GPAT4: variants seen among roughly 807,000 people sequenced by gnomAD.
The protein encoded by GPAT4 is glycerol-3-phosphate acyltransferase 4.
A neutral mutation model predicts 58.0 loss-of-function variants in GPAT4; 17 were observed. The ratio of observed to expected loss-of-function variants is 0.29; its 90% CI spans 0.20 to 0.44. The LOEUF is 0.44. Among genes scored for constraint, GPAT4 ranks in the 20% least tolerant of loss-of-function variants. The pLI is 1.00. For synonymous variants in GPAT4, 204 were observed against 210.1 expected, an observed-to-expected ratio of 0.97 and a Z score of 0.25; for missense variants, 377 against 574.5, an observed-to-expected ratio of 0.66 and a Z score of 3.51.
chr8:41,587,040 C>T (rs758346860), intron 1 of GPAT4, among the ~76,000 whole-genome samples: 6 of 152,222 alleles, frequency 3.9e-5, no homozygotes, highest in Admixed American at 1.3e-4. Flanking sequence ...TGAGGGCCCA[C>T]GTGGCTCATG....
intron 2 of GPAT4, among the ~76,000 whole-genome samples, chr8:41,603,950 G>C (rs1371132581): frequency 6.6e-6 from 1 of 150,442 alleles, no homozygotes; most frequent in African/African-American, 2.4e-5. Flanking sequence ...TTTTGGGGTG[G>C]CTTGTAATAT....
intron 3 of GPAT4, 41 bp downstream of exon 3, chr8:41,609,526 G>T: frequency 1.2e-6 from 2 of 1,609,964 alleles, no homozygotes; most frequent in Non-Finnish European, 1.7e-6. Flanking sequence ...AGGTCCATTT[G>T]AACAGTGTTC....
At position 41,621,991 on chromosome 8, in the gene GPAT4, C is replaced by T. The variant is rs1803766182; in HGVS notation, c.*990C>T. The stretch of plus-strand genomic sequence containing the variant: ...GGCTTCTCGTGAGGATTCCCGTTCT[C>T]TTCTGGGAGCATGGCCCTGGGGCTG... On this transcript the variant is annotated 3_prime_UTR_variant, in exon 13 of 13. Coordinates refer to ENST00000396987, the MANE Select transcript of GPAT4 (RefSeq NM_178819.4). The T allele has an allele frequency of 6.6e-6, 1 of 152,272 alleles. No individual in the cohort carries two copies. The highest frequency in any genetic ancestry group is 2.1e-4 in the South Asian group (1 of 4,836). The allele number at this position is 152,272 out of a possible 1,614,324, so 9.4% of individuals were successfully genotyped here.
rs770353727 is a variant in GPAT4, at chr8:41,599,344, G to A, written c.165+40G>A. On this transcript the variant is annotated intron_variant, in intron 2 of 12. Coordinates refer to ENST00000396987, the MANE Select transcript of GPAT4 (RefSeq NM_178819.4). The stretch of plus-strand genomic sequence containing the variant: ...TACAAAAGGTTGCTTCACAGAGGAG[G>A]GTAGAAGTGCATTTAGCAAAAAGTT... The A allele has an allele frequency of 6.3e-6, 10 of 1,599,616 alleles. No homozygotes were observed. The East Asian group carries it at 2.2e-4, about 36-fold the overall frequency.
Position 41,609,489 on chromosome 8 carries a change from A to G in GPAT4, c.235+4A>G. The G allele has an allele frequency of 1.9e-6, 3 of 1,614,126 alleles. No homozygotes were observed. Among genetic ancestry groups the G allele is most frequent in the Non-Finnish European group, 2.5e-6 (3 of 1,179,960 alleles). On this transcript the variant is annotated splice_donor_region_variant and intron_variant, in intron 3 of 12. Transcript: ENST00000396987. ...CTTTACAAGCCCTACACCAACGGTA[A>G]GATGGGGGTGTGATCCTTGTCCTGA...
chr8:41,594,464 T>C (rs1458180096), intron 1 of GPAT4, among the ~76,000 whole-genome samples: 1 of 152,094 alleles, frequency 6.6e-6, no homozygotes, highest in Non-Finnish European at 1.5e-5. Context: ...CTTGCATAAA[T>C]TCCTTTTTTT....
intron 2 of GPAT4, among the ~76,000 whole-genome samples, chr8:41,607,705 A>G (rs1343334284): frequency 6.6e-6 from 1 of 151,644 alleles, no homozygotes; most frequent in African/African-American, 2.4e-5. Context: ...ATTTTTTTGT[A>G]TTTTTTAGAT....
chr8:41,615,319 C>A (rs929803642), intron 10 of GPAT4, among the ~76,000 whole-genome samples: 1 of 152,198 alleles, frequency 6.6e-6, no homozygotes, highest in Admixed American at 6.5e-5. Context: ...AAATGGCAAG[C>A]CCTTCACTTA....
In GPAT4 at chr8:41,609,607, C is replaced by T. The variant is rs200193390; in HGVS notation, c.236-48C>T. 229 of 1,604,506 alleles carry T rather than the reference C, an allele frequency of 1.4e-4. 1 individual carries two copies. The highest frequency in any genetic ancestry group is 3.3e-4 in the Middle Eastern group (2 of 6,014). The stretch of plus-strand genomic sequence containing the variant: ...GGATGTGTGCTCTGAGTATGTCTCA[C>T]GTGCTCTCCCCCAGCGTGCTGCTTG... On this transcript the variant is annotated intron_variant, in intron 3 of 12. Coordinates refer to ENST00000396987, the MANE Select transcript of GPAT4 (RefSeq NM_178819.4).
intron 2 of GPAT4, among the ~76,000 whole-genome samples, chr8:41,606,078 C>T (rs1386373260): frequency 6.6e-6 from 1 of 152,192 alleles, no homozygotes; most frequent in Non-Finnish European, 1.5e-5. Context: ...CCATCTGGTG[C>T]TTCCTGAGCT....
intron 1 of GPAT4, among the ~76,000 whole-genome samples, chr8:41,589,780 G>A (rs1802742483): frequency 6.6e-6 from 1 of 152,196 alleles, no homozygotes. Context: ...AAGTGACCCT[G>A]GTGTCAATCA....
Position 41,610,775 on chromosome 8 carries a change from G to A in GPAT4, c.576G>A (p.Val192=), listed in dbSNP as rs945453282. Residue 192 remains valine, a synonymous_variant, in exon 5 of 13, where the codon GTG becomes GTA. Transcript: ENST00000396987. ...TCACAGGGATTAGCCTTCTGGTGGT[G>A]GGCACAACTGTGGTGGGATACTTGC... The part of the protein sequence containing the change: ...LAFTGISLLV[V]GTTVVGYLPN... 1.9e-5 allele frequency: 31 copies of A among 1,612,094 alleles called. No individual in the cohort carries two copies. The highest frequency in any genetic ancestry group is 4.0e-5 in the African/African-American group (3 of 74,904).
Position 41,592,826 on chromosome 8 carries a change from A to G in GPAT4, c.-848-5466A>G, listed in dbSNP as rs569731155. 1.1e-3 allele frequency among the ~76,000 whole-genome samples: 164 copies of G among 152,250 alleles called. 4 individuals carry two copies. In the South Asian group the frequency reaches 0.034, roughly 31 times the overall value. On this transcript the variant is annotated intron_variant, in intron 1 of 12. Coordinates refer to ENST00000396987, the MANE Select transcript of GPAT4 (RefSeq NM_178819.4). ...TCCAGTCCAGCCCCATCGATTCCTA[A>G]GGTCACACGCTCCCCTTTTTTCCTG...
chr8:41,587,414 A>C (rs574396905), intron 1 of GPAT4, among the ~76,000 whole-genome samples: 1 of 152,254 alleles, frequency 6.6e-6, no homozygotes, highest in African/African-American at 2.4e-5. Context: ...TTAGATGAAT[A>C]GTATTCCATT....
intron 2 of GPAT4, among the ~76,000 whole-genome samples, chr8:41,603,836 G>A (rs1194978178): frequency 2.0e-5 from 3 of 152,176 alleles, no homozygotes; most frequent in African/African-American, 7.2e-5. Flanking sequence ...CTGAAGGCCA[G>A]CACCAGCCAC....
intron 1 of GPAT4, among the ~76,000 whole-genome samples, chr8:41,595,879 C>T (rs1260487298): frequency 6.6e-6 from 1 of 151,994 alleles, no homozygotes; most frequent in Non-Finnish European, 1.5e-5. Context: ...TTGCCTCTGC[C>T]AGCCACTTAT....
At chr8:41,594,070 A>G (rs890523401) in intron 1 of GPAT4, among the ~76,000 whole-genome samples, 1 of 152,290 alleles carries the variant, frequency 6.6e-6, no homozygotes, top group Admixed American at 6.5e-5. Context: ...TATTTATTCA[A>G]TTTTTAATGT....
rs1585678470 is a variant in GPAT4, at chr8:41,618,900, A to G, written c.1185A>G (p.Ala395=). 1.2e-6 allele frequency: 2 copies of G among 1,614,238 alleles called. No homozygotes were observed. Among genetic ancestry groups the G allele is most frequent in the Non-Finnish European group, 8.5e-7 (1 of 1,180,048 alleles). Residue 395 remains alanine, a splice_region_variant and synonymous_variant, in exon 12 of 13, where the codon GCA becomes GCG. Coordinates refer to ENST00000396987, the MANE Select transcript of GPAT4 (RefSeq NM_178819.4). ...VWYLPPMTRE[A]DEDAVQFANR... The stretch of plus-strand genomic sequence containing the variant: ...GTCTCATTTGTTCTTTCTTACAGGC[A>G]GATGAAGATGCTGTCCAGTTTGCGA...
intron 2 of GPAT4, among the ~76,000 whole-genome samples, chr8:41,601,604 T>C (rs943840281): frequency 4.6e-5 from 7 of 152,216 alleles, no homozygotes; most frequent in Admixed American, 6.5e-5. Flanking sequence ...CCTATGGAAG[T>C]TGTAATTATT....
Sources: gnomAD v4.1 joint callset for allele counts (sites outside exome capture counted in the v4.1 genomes callset) on GRCh38, gnomAD v4.1.1 for gene constraint, MANE v1.5 for transcripts, NCBI Gene and HGNC (gene_info 2026-07-23, HGNC 2026-07-21) for gene names.